The following ACACB variants were observed in gnomAD, a reference collection of about 807,000 sequenced individuals.
ACACB encodes the protein acetyl-CoA carboxylase beta.
A neutral mutation model predicts 278.8 loss-of-function variants in ACACB; 209 were observed. That is an observed-to-expected ratio of 0.75 (90% CI 0.67 to 0.84). ACACB has a LOEUF of 0.84. Ranked by LOEUF, ACACB falls within the 40% of genes least tolerant of loss-of-function variation. ACACB has a pLI of 0.00. For synonymous variants in ACACB, 1,174 were observed against 1,285.6 expected (o/e 0.91, Z 1.86); for missense variants, 2,850 against 3,269.0 (o/e 0.87, Z 3.13).
intron 52 of ACACB, among the ~76,000 whole-genome samples, chr12:109,265,877 C>T (rs1009435343): frequency 3.9e-5 from 6 of 152,274 alleles, no homozygotes; most frequent in Non-Finnish European, 7.3e-5. Flanking sequence ...CTGTCTTCCA[C>T]GCCAGTGTTG....
intron 41 of ACACB, 121 bp from the exon 42 acceptor site, chr12:109,251,925 G>A (rs2136758458): frequency 1.6e-6 from 1 of 631,496 alleles, no homozygotes; most frequent in East Asian, 3.0e-5. Context: ...CTCCAAATCG[G>A]GTTGCCATTG....
intron 19 of ACACB, among the ~76,000 whole-genome samples, chr12:109,202,320 T>C (rs1262541638): frequency 6.6e-6 from 1 of 152,154 alleles, no homozygotes; most frequent in Non-Finnish European, 1.5e-5. Context: ...ATTATTATTA[T>C]TCATTTTTTT....
At position 109,139,840 on chromosome 12, in the gene ACACB, C is replaced by T. The variant is rs762850337; in HGVS notation, c.435C>T (p.Gly145=). The T allele has an allele frequency of 1.9e-6, 3 of 1,614,160 alleles. No individual in the cohort carries two copies. Among genetic ancestry groups the T allele is most frequent in the Non-Finnish European group, 2.5e-6 (3 of 1,180,002 alleles). Residue 145 remains glycine, a synonymous_variant, in exon 2 of 53, where the codon GGC becomes GGT. Transcript: ENST00000338432. The part of the protein sequence containing the change: ...SSARPQGQQA[G]SPSKEDKKQA... Reference sequence around the variant, plus strand: ...CCAGGCCCCAGGGCCAGCAAGCTGGCTCCCCCTCCAAAGAAGACAAGAAGC... The same window carrying T: ...CCAGGCCCCAGGGCCAGCAAGCTGGTTCCCCCTCCAAAGAAGACAAGAAGC...
At chr12:109,124,897 A>T (rs2042640228) in intron 1 of ACACB, among the ~76,000 whole-genome samples, 1 of 151,970 alleles carries the variant, frequency 6.6e-6, no homozygotes, top group South Asian at 2.1e-4. Flanking sequence ...TGTATTTTTG[A>T]TAGAGATGAG....
intron 17 of ACACB, among the ~76,000 whole-genome samples, chr12:109,198,200 T>C (rs148512171): frequency 3.4e-4 from 52 of 152,196 alleles, no homozygotes; most frequent in African/African-American, 1.0e-3. Flanking sequence ...ACCCTGCCTG[T>C]TATCTCTTTT....
intron 35 of ACACB, 147 bp downstream of exon 35, chr12:109,240,132 C>T: frequency 1.1e-6 from 1 of 930,342 alleles, no homozygotes; most frequent in Non-Finnish European, 1.6e-6. Flanking sequence ...GGGAGGAGAG[C>T]AAACCTTCTG....
At chr12:109,147,251 G>C (rs1247655863) in intron 2 of ACACB, among the ~76,000 whole-genome samples, 1 of 151,582 alleles carries the variant, frequency 6.6e-6, no homozygotes, top group Non-Finnish European at 1.5e-5. Flanking sequence ...TGTTTGTTTT[G>C]ACACAGTTTC....
chr12:109,252,224 G>A, intron 42 of ACACB, 68 bp downstream of exon 42: 1 of 1,085,156 alleles, frequency 9.2e-7, no homozygotes, highest in Non-Finnish European at 1.3e-6. Flanking sequence ...ATTCCCATTG[G>A]TCTCTGGTGG....
intron 2 of ACACB, among the ~76,000 whole-genome samples, chr12:109,162,383 T>A (rs2043756790): frequency 6.6e-6 from 1 of 152,136 alleles, no homozygotes. Context: ...CCTGGCCATC[T>A]GTACCACAGA....
chr12:109,150,147 C>T (rs117175171), intron 2 of ACACB, among the ~76,000 whole-genome samples: 1 of 152,292 alleles, frequency 6.6e-6, no homozygotes, highest in Non-Finnish European at 1.5e-5. Context: ...AGCCCAGGAC[C>T]CACAATCAGG....
chr12:109,237,361 A>G lies in ACACB; in HGVS notation c.4643A>G (p.His1548Arg). 6.2e-7 allele frequency: 1 copy of G among 1,614,060 alleles called. No individual in the cohort carries two copies. Among genetic ancestry groups the G allele is most frequent in the Non-Finnish European group, 8.5e-7 (1 of 1,179,980 alleles). ...HRFFIRAIIR[H>R]SDLITKEASF... ...TTCTTCATCCGCGCCATCATCAGGC[A>G]CTCTGACCTGATCACAAAGGTAAGA... The change falls in exon 34 of 53, where the codon CAC becomes CGC. Residue 1548 changes from histidine (H) to arginine (R), a missense_variant. Physicochemically the swap from His to Arg is conservative, Grantham distance 29 (BLOSUM62 0). Transcript: ENST00000338432.
At chr12:109,245,846 T>C in intron 38 of ACACB, 98 bp downstream of exon 38, 1 of 1,469,932 alleles carries the variant, frequency 6.8e-7, no homozygotes, top group Non-Finnish European at 9.2e-7. Flanking sequence ...CCCAGTGCTT[T>C]GGGAGGCCAA....
Position 109,161,534 on chromosome 12 carries a change from C to T in ACACB, c.654-5327C>T, listed in dbSNP as rs1282293470. On this transcript the variant is annotated intron_variant, in intron 2 of 52. Coordinates refer to ENST00000338432, the MANE Select transcript of ACACB (RefSeq NM_001093.4). ...CTCCAGCCTGGGCGACAGAGTGAGA[C>T]GCAGTCTCAGAAAAATAAAATAAAA... Among the ~76,000 whole-genome samples, 4 of 151,958 alleles carry T rather than the reference C, an allele frequency of 2.6e-5. No individual in the cohort carries two copies. In the East Asian group the frequency reaches 5.8e-4, roughly 22 times the overall value.
intron 24 of ACACB, among the ~76,000 whole-genome samples, chr12:109,221,894 T>G (rs76634455): frequency 0.04 from 5,177 of 128,236 alleles, 140 homozygotes; most frequent in Middle Eastern, 0.096. Context: ...TTTTTTTTTT[T>G]GGGGGGGAGA....
At chr12:109,207,557 A>G (rs1753325190) in intron 20 of ACACB, among the ~76,000 whole-genome samples, 1 of 152,242 alleles carries the variant, frequency 6.6e-6, no homozygotes, top group South Asian at 2.1e-4. Flanking sequence ...TGAAAGACCC[A>G]TGATGCTCAT....
rs1267228825 is a variant in ACACB, at chr12:109,180,003, C to T, written c.1734C>T (p.Phe578=). The T allele has an allele frequency of 6.2e-7, 1 of 1,613,850 alleles. No homozygotes were observed. Among genetic ancestry groups the T allele is most frequent in the Admixed American group, 1.7e-5 (1 of 60,020 alleles). ...YLYSQDGSFH[F]LELNPRLQVE... Reference sequence around the variant, plus strand: ...ATAGTCAGGATGGCAGCTTCCACTTCTTGGAGCTGAATCCTCGCTTGCAGG... The same window carrying T: ...ATAGTCAGGATGGCAGCTTCCACTTTTTGGAGCTGAATCCTCGCTTGCAGG... Residue 578 remains phenylalanine (F), a synonymous_variant, in exon 11 of 53, where the codon TTC becomes TTT. Coordinates refer to ENST00000338432, the MANE Select transcript of ACACB (RefSeq NM_001093.4).
rs2043063883 is a variant in ACACB, at chr12:109,140,030, G to A, written c.625G>A (p.Glu209Lys). 1 of 1,604,212 alleles carries A rather than the reference G, an allele frequency of 6.2e-7. No individual in the cohort carries two copies. The highest frequency in any genetic ancestry group is 1.3e-5 in the African/African-American group (1 of 74,896). Reference sequence around the variant, plus strand: ...CCTGGAGGCTTATCTGACCACAGGTGAAGCTGAGACCCGCGTCCCCACTAT... The same window carrying A: ...CCTGGAGGCTTATCTGACCACAGGTAAAGCTGAGACCCGCGTCCCCACTAT... ...LSLEAYLTTGEAETRVPTMRP... is the reference protein window; with the variant it reads ...LSLEAYLTTGKAETRVPTMRP... The change falls in exon 2 of 53, where the codon GAA becomes AAA. Residue 209 changes from glutamate to lysine, a missense_variant. Glu to Lys is a moderately conservative substitution (Grantham distance 56). Around this residue, in one of 3 missense-constraint regions of ACACB, gnomAD observed 2,265 missense variants for 2,561.3 expected, o/e 0.88. Coordinates refer to ENST00000338432, the MANE Select transcript of ACACB (RefSeq NM_001093.4).
rs180811616 is a variant in ACACB, at chr12:109,167,643, A to C, written c.787-253A>C. Among the ~76,000 whole-genome samples, 58 of 135,570 alleles carry C rather than the reference A, an allele frequency of 4.3e-4. 2 individuals are homozygous for C. Among genetic ancestry groups the C allele is most frequent in the African/African-American group, 1.6e-3 (57 of 35,574 alleles). The allele number at this position is 135,570 out of a possible 152,430, so 88.9% of individuals were successfully genotyped here. ...TGTGTATATATATATATATATATAT[A>C]TATATATATATTTCAGACAAACAGC... On this transcript the variant is annotated intron_variant, in intron 3 of 52. Coordinates refer to ENST00000338432, the MANE Select transcript of ACACB (RefSeq NM_001093.4).
chr12:109,200,004 C>T (rs187891901), intron 18 of ACACB, among the ~76,000 whole-genome samples: 1,698 of 148,702 alleles, frequency 0.011, 36 homozygotes, highest in African/African-American at 0.04. Flanking sequence ...TGCACTCCAG[C>T]CTGAGCGACA....
Sources: gnomAD v4.1 joint callset for allele counts (sites outside exome capture counted in the v4.1 genomes callset) on GRCh38, gnomAD v4.1.1 for gene constraint, gnomAD v4.1.1 regional missense constraint, MANE v1.5 for transcripts, NCBI Gene and HGNC (gene_info 2026-07-23, HGNC 2026-07-21) for gene names.